The following SGPP1 variants were observed in gnomAD, a reference collection of about 807,000 sequenced individuals.
The protein encoded by SGPP1 is sphingosine-1-phosphate phosphatase 1, also known as hSPP1.
SGPP1 carries 21 observed loss-of-function variants against 33.0 expected under a neutral mutation model. The observed-to-expected ratio is 0.64, with a 90% confidence interval of 0.45 to 0.92. The LOEUF (loss-of-function observed/expected upper bound fraction) is 0.92. SGPP1 is among the 40% of genes least tolerant of loss of function. The pLI is 0.00. For synonymous variants in SGPP1, 239 were observed against 241.2 expected, an observed-to-expected ratio of 0.99 and a Z score of 0.08; for missense variants, 543 against 589.4, an observed-to-expected ratio of 0.92 and a Z score of 0.81.
intron 1 of SGPP1, among the ~76,000 whole-genome samples, chr14:63,720,253 C>A (rs763476466): frequency 1.4e-5 from 2 of 146,058 alleles, no homozygotes; most frequent in Non-Finnish European, 3.0e-5. Flanking sequence ...CATGGTGAAA[C>A]CTATGTAAAA....
chr14:63,688,123 CT>C (rs1885019360), intron 2 of SGPP1, among the ~76,000 whole-genome samples: 2 of 151,054 alleles, frequency 1.3e-5, no homozygotes, highest in South Asian at 4.2e-4. Flanking sequence ...GAAACTCCAA[CT>C]CAAAAATAAA....
intron 2 of SGPP1, among the ~76,000 whole-genome samples, chr14:63,686,947 T>C (rs548348535): frequency 6.6e-6 from 1 of 152,266 alleles, no homozygotes; most frequent in South Asian, 2.1e-4. Flanking sequence ...AATTGTGTAG[T>C]TTTGATTTCT....
At chr14:63,693,803 G>T (rs143114016) in intron 2 of SGPP1, among the ~76,000 whole-genome samples, 1 of 151,950 alleles carries the variant, frequency 6.6e-6, no homozygotes, top group Non-Finnish European at 1.5e-5. Flanking sequence ...TTATAGAGAC[G>T]AAGTCTCCCT....
At chr14:63,699,257 G>A (rs1035290021) in intron 1 of SGPP1, among the ~76,000 whole-genome samples, 1 of 152,126 alleles carries the variant, frequency 6.6e-6, no homozygotes, top group Admixed American at 6.6e-5. Flanking sequence ...TCATAAAAGG[G>A]AAAAAGCATA....
In SGPP1 at chr14:63,685,608, G is replaced by T. The variant is rs746027413; in HGVS notation, c.*497C>A. 3 of 152,128 alleles carry T rather than the reference G, an allele frequency of 2.0e-5. No individual in the cohort carries two copies. Among genetic ancestry groups the T allele is most frequent in the Non-Finnish European group, 2.9e-5 (2 of 67,884 alleles). 9.4% of individuals were successfully genotyped at this position (152,128 alleles called of 1,614,324 possible). On this transcript the variant is annotated 3_prime_UTR_variant, in exon 3 of 3. Coordinates refer to ENST00000247225, the MANE Select transcript of SGPP1 (RefSeq NM_030791.4). ...ATATGCATTCTGGTCTAGTAATTACGCAATTCAATTAGGAAATGGCTCCCA... is the reference window on the plus strand; with the variant it reads ...ATATGCATTCTGGTCTAGTAATTACTCAATTCAATTAGGAAATGGCTCCCA...
rs138628642 is a variant in SGPP1 at position 63,684,978 on chromosome 14, C to A, written c.*1127G>T. On this transcript the variant is annotated 3_prime_UTR_variant, in exon 3 of 3. Coordinates refer to ENST00000247225, the MANE Select transcript of SGPP1 (RefSeq NM_030791.4). ...ATTATTTAGAAAAATGCTTTGTTTA[C>A]ATATGAAGTATGTGCATTGTCCCAT... 848 of 152,178 alleles carry A rather than the reference C, an allele frequency of 5.6e-3. 9 individuals carry two copies. Among genetic ancestry groups the A allele is most frequent in the African/African-American group, 0.019 (801 of 41,568 alleles). The allele number at this position is 152,178 out of a possible 1,614,324, so 9.4% of individuals were successfully genotyped here.
In SGPP1 at chr14:63,718,996, ATATATATATATATATATATTTTTTTTTTT is replaced by A. The variant is rs1394292943; in HGVS notation, c.684+8236_684+8264del. On this transcript the variant is annotated intron_variant, in intron 1 of 2. Coordinates refer to ENST00000247225, the MANE Select transcript of SGPP1 (RefSeq NM_030791.4). ...TATATACATATATATATATATATATATATATATATATATATATATTTTTTTTTTTTTTTTTTTTTTTTTTTTTTGACATG... is the reference window on the plus strand; with the variant it reads ...TATATACATATATATATATATATATATTTTTTTTTTTTTTTTTTTGACATG... 5.8e-4 allele frequency among the ~76,000 whole-genome samples: 11 copies of A among 19,010 alleles called. No homozygotes were observed. In the East Asian group the frequency reaches 0.012, roughly 20 times the overall value. The allele number at this position is 19,010 out of a possible 152,430, so 12.5% of individuals were successfully genotyped here.
chr14:63,720,733 C>A (rs2139655055), intron 1 of SGPP1, among the ~76,000 whole-genome samples: 1 of 152,254 alleles, frequency 6.6e-6, no homozygotes, highest in Non-Finnish European at 1.5e-5. Flanking sequence ...GCACTGCACT[C>A]CAGCCTGGGC....
chr14:63,699,146 T>C (rs1885247020), intron 1 of SGPP1, among the ~76,000 whole-genome samples: 1 of 152,252 alleles, frequency 6.6e-6, no homozygotes, highest in African/African-American at 2.4e-5. Flanking sequence ...GCATTCAGTA[T>C]TCAACACTTT....
At position 63,722,242 on chromosome 14, in the gene SGPP1, C is replaced by T. The variant is rs142763933; in HGVS notation, c.684+5019G>A. Among the ~76,000 whole-genome samples the T allele has an allele frequency of 3.8e-3, 577 of 151,616 alleles. 10 individuals carry two copies. Among genetic ancestry groups the T allele is most frequent in the East Asian group, 0.025 (127 of 5,160 alleles). On this transcript the variant is annotated intron_variant, in intron 1 of 2. Coordinates refer to ENST00000247225, the MANE Select transcript of SGPP1 (RefSeq NM_030791.4). Reference sequence around the variant, plus strand: ...GTAAGTGCTTAAAAATATATATTAACAGCTGGGCGCAGTGGCTCATGCCTG... The same window carrying T: ...GTAAGTGCTTAAAAATATATATTAATAGCTGGGCGCAGTGGCTCATGCCTG...
Position 63,728,033 on chromosome 14 carries a change from C to T in SGPP1, c.-89G>A. On this transcript the variant is annotated 5_prime_UTR_variant, in exon 1 of 3. It adds an upstream start codon to the 5' untranslated region. Transcript: ENST00000247225. ...CTGGCCAGCGGCAGCGGAACCGGCA[C>T]AGCGCTCTACCCTCCGGAGTCTGCC... The T allele has an allele frequency of 3.7e-6, 5 of 1,355,654 alleles. No homozygotes were observed. Among genetic ancestry groups the T allele is most frequent in the Admixed American group, 3.3e-5 (1 of 30,768 alleles). The allele number at this position is 1,355,654 out of a possible 1,614,324, so 84.0% of individuals were successfully genotyped here. A position where few individuals can be genotyped will look rare whatever the true frequency, so the allele number is the denominator to read the frequency against.
chr14:63,725,154 C>T (rs1193130666), intron 1 of SGPP1, among the ~76,000 whole-genome samples: 1 of 152,162 alleles, frequency 6.6e-6, no homozygotes, highest in Non-Finnish European at 1.5e-5. Flanking sequence ...GGGTGGATCC[C>T]CTGAGGTCAG....
intron 2 of SGPP1, among the ~76,000 whole-genome samples, chr14:63,687,201 G>A (rs561241359): frequency 1.3e-5 from 2 of 152,278 alleles, no homozygotes; most frequent in Non-Finnish European, 2.9e-5. Flanking sequence ...ATCCCTTTGG[G>A]AGGCTGAGGT....
intron 1 of SGPP1, among the ~76,000 whole-genome samples, chr14:63,717,546 T>C (rs544179732): frequency 6.6e-6 from 1 of 151,842 alleles, no homozygotes; most frequent in Non-Finnish European, 1.5e-5. Flanking sequence ...ATGGTCTCAA[T>C]CTCCTGACCT....
chr14:63,700,746 T>C (rs1885280395), intron 1 of SGPP1, among the ~76,000 whole-genome samples: 1 of 152,232 alleles, frequency 6.6e-6, no homozygotes, highest in East Asian at 1.9e-4. Context: ...GTGCTCCTCC[T>C]ACATTTTGGA....
chr14:63,697,463 T>C (rs545804855), intron 2 of SGPP1, among the ~76,000 whole-genome samples: 1 of 152,212 alleles, frequency 6.6e-6, no homozygotes, highest in Non-Finnish European at 1.5e-5. Context: ...TCCACCTTTT[T>C]TTGTGATCCT....
intron 1 of SGPP1, among the ~76,000 whole-genome samples, chr14:63,717,255 A>AAAAG (rs1885650903): frequency 6.6e-6 from 1 of 152,032 alleles, no homozygotes; most frequent in African/African-American, 2.4e-5. Flanking sequence ...AAAAAAAAAA[A>AAAAG]AAGAATAGAG....
At chr14:63,718,992 A>G (rs1292941822) in intron 1 of SGPP1, among the ~76,000 whole-genome samples, 5 of 16,596 alleles carry the variant, frequency 3.0e-4, no homozygotes, top group African/African-American at 1.3e-3. Flanking sequence ...ATATATATAT[A>G]TATATATATA....
intron 2 of SGPP1, among the ~76,000 whole-genome samples, chr14:63,695,018 T>C (rs1316922797): frequency 1.3e-5 from 2 of 152,152 alleles, no homozygotes; most frequent in East Asian, 3.8e-4. Flanking sequence ...AATTCAGGTC[T>C]CCCATCTCAT....
Sources: gnomAD v4.1 joint callset for allele counts (sites outside exome capture counted in the v4.1 genomes callset) on GRCh38, gnomAD v4.1.1 for gene constraint, MANE v1.5 for transcripts, NCBI Gene and HGNC (gene_info 2026-07-23, HGNC 2026-07-21) for gene names.